The following GPC3 variants were observed in gnomAD, a reference collection of about 807,000 sequenced individuals.
The protein encoded by GPC3 is glypican-3.
A neutral mutation model predicts 34.4 loss-of-function variants in GPC3; 3 were observed. That is an observed-to-expected ratio of 0.09 (90% CI 0.04 to 0.23). The LOEUF is 0.23. GPC3 is among the 10% of genes least tolerant of loss of function. The pLI is 1.00. For synonymous variants in GPC3, 177 were observed against 174.0 expected, an observed-to-expected ratio of 1.02 and a Z score of -0.13; for missense variants, 351 against 445.6, an observed-to-expected ratio of 0.79 and a Z score of 1.91.
chrX:133,844,733 C>T (rs184805017), intron 2 of GPC3, among the ~76,000 whole-genome samples: 6 of 112,286 alleles, frequency 5.3e-5, no homozygotes, highest in East Asian at 2.8e-4. Flanking sequence ...CCTCACCCTC[C>T]GCTGCTACCT....
intron 1 of GPC3, among the ~76,000 whole-genome samples, chrX:133,971,135 G>T (rs1337044605): frequency 1.8e-5 from 2 of 112,193 alleles, no homozygotes; most frequent in African/African-American, 6.5e-5. Flanking sequence ...TTCAATGTAA[G>T]AAAAGAGATT....
chrX:133,661,510 G>A (rs1445677682), intron 6 of GPC3, among the ~76,000 whole-genome samples: 17 of 105,667 alleles, frequency 1.6e-4, no homozygotes, highest in Middle Eastern at 5.6e-3. Context: ...AAATAATAGC[G>A]TCTTTCCTAA....
chrX:133,786,376 CAA>C (rs775156435), intron 2 of GPC3, among the ~76,000 whole-genome samples: 1 of 112,189 alleles, frequency 8.9e-6, no homozygotes, highest in African/African-American at 3.2e-5. Context: ...GCCTGGGTGA[CAA>C]GAGCGAAACT....
chrX:133,970,712 A>T (rs1223142335), intron 1 of GPC3, among the ~76,000 whole-genome samples: 3 of 108,944 alleles, frequency 2.8e-5, no homozygotes, highest in African/African-American at 1.0e-4. Context: ...TATGCAAAAA[A>T]ATGAGCTGGG....
At chrX:133,869,795 T>C (rs2075986007) in intron 2 of GPC3, among the ~76,000 whole-genome samples, 1 of 107,722 alleles carries the variant, frequency 9.3e-6, no homozygotes, top group Non-Finnish European at 1.9e-5. Context: ...CTACTAAAAA[T>C]ACAAAAAAAA....
At chrX:133,874,554 T>C (rs1222541666) in intron 2 of GPC3, among the ~76,000 whole-genome samples, 1 of 111,942 alleles carries the variant, frequency 8.9e-6, no homozygotes, top group Non-Finnish European at 1.9e-5. Context: ...CAGAATAAAA[T>C]ATTTCAGTTA....
At chrX:133,791,369 C>T (rs2072158317) in intron 2 of GPC3, among the ~76,000 whole-genome samples, 1 of 111,331 alleles carries the variant, frequency 9.0e-6, no homozygotes, top group Admixed American at 9.6e-5. Flanking sequence ...AGGTAGATGC[C>T]GACTTTCTGC....
intron 5 of GPC3, among the ~76,000 whole-genome samples, chrX:133,662,378 T>C (rs2070735634): frequency 8.9e-6 from 1 of 112,147 alleles, no homozygotes; most frequent in Admixed American, 9.5e-5. Context: ...CAAATCACTT[T>C]CACCATAAAT....
chrX:133,617,487 C>T (rs1282218998), intron 6 of GPC3, among the ~76,000 whole-genome samples: 4 of 111,693 alleles, frequency 3.6e-5, no homozygotes, highest in Admixed American at 9.5e-5. Flanking sequence ...GGGATATTTA[C>T]CTTATAAGGG....
chrX:133,925,658 A>G (rs1165817517), intron 2 of GPC3, among the ~76,000 whole-genome samples: 2 of 112,183 alleles, frequency 1.8e-5, no homozygotes, highest in Non-Finnish European at 3.8e-5. Context: ...AATGAAGGCC[A>G]GTGATAAAAG....
At chrX:133,710,390 C>T (rs913082337) in intron 3 of GPC3, among the ~76,000 whole-genome samples, 1 of 112,030 alleles carries the variant, frequency 8.9e-6, no homozygotes, top group African/African-American at 3.2e-5. Flanking sequence ...AAAATGCCTG[C>T]TGGACCTGGC....
At position 133,796,772 on chromosome X, in the gene GPC3, T is replaced by C. The variant is rs1402867619; in HGVS notation, c.338-42596A>G. ...TAGTCTCCTAGAAATCATAGAACTTTTTAGCTTTGCCTTTACAGTTAAACT... is the reference window on the plus strand; with the variant it reads ...TAGTCTCCTAGAAATCATAGAACTTCTTAGCTTTGCCTTTACAGTTAAACT... On this transcript the variant is annotated intron_variant, in intron 2 of 7. Transcript: ENST00000370818. Among the ~76,000 whole-genome samples, 4 of 111,826 alleles carry C rather than the reference T, an allele frequency of 3.6e-5. No individual in the cohort carries two copies. The East Asian group carries it at 1.1e-3, about 32-fold the overall frequency.
At chrX:133,589,083 C>T (rs1425239121) in intron 7 of GPC3, among the ~76,000 whole-genome samples, 8 of 111,699 alleles carry the variant, frequency 7.2e-5, no homozygotes, top group African/African-American at 9.8e-5. Flanking sequence ...CAGGTTTTCT[C>T]TTTGCAGTCC....
chrX:133,776,385 T>G (rs1276620928), intron 2 of GPC3, among the ~76,000 whole-genome samples: 3 of 110,930 alleles, frequency 2.7e-5, no homozygotes, highest in Non-Finnish European at 5.7e-5. Context: ...TACGCATAGA[T>G]CCACAGTGAG....
At chrX:133,661,964 A>G in intron 5 of GPC3, 114 bp from the exon 6 acceptor site, 1 of 877,824 alleles carries the variant, frequency 1.1e-6, no homozygotes, top group Non-Finnish European at 1.7e-6. Context: ...AGACGACCTC[A>G]TGGTGCAAAA....
At chrX:133,662,984 A>C (rs1282146541) in intron 5 of GPC3, among the ~76,000 whole-genome samples, 4 of 111,784 alleles carry the variant, frequency 3.6e-5, no homozygotes, top group African/African-American at 1.3e-4. Context: ...GAAGTACAAA[A>C]ATAAACAAGG....
chrX:133,689,737 A>G (rs2071043900), intron 5 of GPC3, among the ~76,000 whole-genome samples: 1 of 112,157 alleles, frequency 8.9e-6, no homozygotes, highest in Admixed American at 9.5e-5. Flanking sequence ...CACATCAGTA[A>G]ATAAATATAT....
At chrX:133,644,258 T>C (rs943474366) in intron 6 of GPC3, among the ~76,000 whole-genome samples, 1 of 111,736 alleles carries the variant, frequency 8.9e-6, no homozygotes, top group Non-Finnish European at 1.9e-5. Context: ...TCAAGTGACC[T>C]CCTTGACAAT....
intron 7 of GPC3, among the ~76,000 whole-genome samples, chrX:133,552,294 A>T (rs2069441487): frequency 8.9e-6 from 1 of 112,280 alleles, no homozygotes; most frequent in African/African-American, 3.2e-5. Flanking sequence ...GGGTGAAAGC[A>T]TAAGGGTTAA....
Sources: gnomAD v4.1 joint callset for allele counts (sites outside exome capture counted in the v4.1 genomes callset) on GRCh38, gnomAD v4.1.1 for gene constraint, MANE v1.5 for transcripts, NCBI Gene and HGNC (gene_info 2026-07-23, HGNC 2026-07-21) for gene names.